TGFBR2: variants seen among roughly 807,000 people sequenced by gnomAD.
TGFBR2 encodes transforming growth factor beta receptor 2.
In TGFBR2, 18 loss-of-function variants were observed where a neutral mutation model predicts 49.0. The ratio of observed to expected loss-of-function variants is 0.37; its 90% confidence interval spans 0.25 to 0.54. The LOEUF (loss-of-function observed/expected upper bound fraction) is 0.54, where lower values mean the gene tolerates loss of function less well. Among genes scored for constraint, TGFBR2 ranks in the 20% least tolerant of loss-of-function variants. TGFBR2 has a pLI of 0.85. For synonymous variants in TGFBR2, 282 were observed against 275.9 expected (o/e 1.02, Z -0.22); for missense variants, 525 against 722.6 (o/e 0.73, Z 3.13).
chr3:30,614,115 C>CT (rs5847643), intron 1 of TGFBR2, among the ~76,000 whole-genome samples: 65,096 of 120,550 alleles, frequency 0.54, 17,568 homozygotes, highest in East Asian at 0.85. Flanking sequence ...TTTTTCTTTC[C>CT]TTTTTTTTTT....
chr3:30,668,631 A>G (rs1699284829), intron 3 of TGFBR2, among the ~76,000 whole-genome samples: 2 of 151,874 alleles, frequency 1.3e-5, no homozygotes, highest in Non-Finnish European at 1.5e-5. Flanking sequence ...GTCCCACCCC[A>G]TTTCTGCCCT....
intron 1 of TGFBR2, among the ~76,000 whole-genome samples, chr3:30,629,858 A>G (rs955641517): frequency 1.3e-5 from 2 of 152,222 alleles, no homozygotes; most frequent in Non-Finnish European, 2.9e-5. Context: ...CAAGAATGGC[A>G]TCTTTGATAA....
chr3:30,607,062 C>T (rs963980376), intron 1 of TGFBR2, 85 bp downstream of exon 1: 5 of 1,182,500 alleles, frequency 4.2e-6, no homozygotes, highest in Non-Finnish European at 6.0e-6. Flanking sequence ...ACAGTCGGGC[C>T]CGGCAACCCG....
intron 3 of TGFBR2, among the ~76,000 whole-genome samples, chr3:30,661,189 G>A (rs909906956): frequency 6.6e-6 from 1 of 152,132 alleles, no homozygotes; most frequent in Non-Finnish European, 1.5e-5. Flanking sequence ...GGCAGGTGTG[G>A]GGATCCTAAC....
At chr3:30,642,384 C>G (rs1464397353) in intron 1 of TGFBR2, among the ~76,000 whole-genome samples, 1 of 152,146 alleles carries the variant, frequency 6.6e-6, no homozygotes, top group African/African-American at 2.4e-5. Flanking sequence ...GGTTCTCAAC[C>G]TTGGTTCCAC....
rs1253843181 is a variant in TGFBR2, at chr3:30,672,296, C to A, written c.1113C>A (p.Pro371=). 1 of 1,606,938 alleles carries A rather than the reference C, an allele frequency of 6.2e-7. No homozygotes were observed. The highest frequency in any genetic ancestry group is 8.5e-7 in the Non-Finnish European group (1 of 1,175,718). The change falls in exon 4 of 7, where the codon CCC becomes CCA. Residue 371 remains proline (P), a synonymous_variant. Transcript: ENST00000295754. The surrounding 1 kb of genome is among the most constrained non-coding windows in gnomAD (Gnocchi z 4.5). ...LHSDHTPCGR[P]KMPIVHRDLK... ...GTGATCACACTCCATGTGGGAGGCC[C>A]AAGATGCCCATCGTGCACAGGGACC...
intron 1 of TGFBR2, among the ~76,000 whole-genome samples, chr3:30,615,159 T>C (rs1365053155): frequency 6.6e-6 from 1 of 152,144 alleles, no homozygotes; most frequent in Non-Finnish European, 1.5e-5. Context: ...AACAGGCACT[T>C]TATTTGAAAG....
chr3:30,623,353 C>A (rs1698271133), intron 1 of TGFBR2: 2 of 1,532,806 alleles, frequency 1.3e-6, no homozygotes, highest in Non-Finnish European at 1.8e-6. Context: ...GTAAGTAAAT[C>A]TAAGATAAAA....
At chr3:30,647,716 G>A (rs368815631) in intron 2 of TGFBR2, among the ~76,000 whole-genome samples, 24 of 151,880 alleles carry the variant, frequency 1.6e-4, no homozygotes, top group African/African-American at 5.5e-4. Context: ...TCCCACTGTT[G>A]CCCAGGCTGG....
At chr3:30,615,032 A>G (rs934419153) in intron 1 of TGFBR2, among the ~76,000 whole-genome samples, 13 of 152,244 alleles carry the variant, frequency 8.5e-5, no homozygotes, top group African/African-American at 3.1e-4. Flanking sequence ...CAGGTAGTCA[A>G]ACATCATGCC....
intron 3 of TGFBR2, among the ~76,000 whole-genome samples, chr3:30,658,387 T>C (rs552095722): frequency 1.3e-5 from 2 of 152,358 alleles, no homozygotes; most frequent in East Asian, 3.9e-4. Context: ...TCTTTCACTG[T>C]GTTTTTTGTT....
chr3:30,667,424 C>A (rs1294872748), intron 3 of TGFBR2, among the ~76,000 whole-genome samples: 1 of 152,154 alleles, frequency 6.6e-6, no homozygotes, highest in Non-Finnish European at 1.5e-5. Flanking sequence ...TCCTTCCAGC[C>A]CTGGTTGCTA....
chr3:30,614,115 C>CTTTTTTTTTTTTTTTTTTTTTTTTTTT (rs5847643), intron 1 of TGFBR2, among the ~76,000 whole-genome samples: 1 of 120,632 alleles, frequency 8.3e-6, no homozygotes, highest in South Asian at 2.6e-4. Context: ...TTTTTCTTTC[C>CTTTTTTTTTTTTTTTTTTTTTTTTTTT]TTTTTTTTTT....
intron 1 of TGFBR2, among the ~76,000 whole-genome samples, chr3:30,607,358 A>C (rs1461287234): frequency 2.0e-5 from 3 of 152,182 alleles, no homozygotes. Context: ...CAGCCAGCGC[A>C]CCTGGGCCAC....
In TGFBR2 at chr3:30,672,468, A is replaced by G. The variant is rs1699361947; in HGVS notation, c.1254+31A>G. On this transcript the variant is annotated intron_variant, in intron 4 of 6. Transcript: ENST00000295754. The surrounding 1 kb of genome is among the most constrained non-coding windows in gnomAD (Gnocchi z 4.5). ...TTAGAGCTAGTGCTAGATCCCCTTT[A>G]CCTTGAGCCTGGCCTCACCCTACCT... 1.2e-5 allele frequency: 20 copies of G among 1,610,778 alleles called. No homozygotes were observed. Among genetic ancestry groups the G allele is most frequent in the Non-Finnish European group, 1.7e-5 (20 of 1,177,146 alleles).
At chr3:30,644,983 C>T (rs1698704777) in intron 2 of TGFBR2, 68 bp downstream of exon 2, 6 of 1,404,588 alleles carry the variant, frequency 4.3e-6, no homozygotes, top group Non-Finnish European at 5.0e-6. Context: ...TCATAGTACA[C>T]ACAGTCAGTG....
intron 1 of TGFBR2, among the ~76,000 whole-genome samples, chr3:30,614,071 G>T (rs867387587): frequency 4.7e-5 from 7 of 149,194 alleles, no homozygotes; most frequent in Non-Finnish European, 8.9e-5. Context: ...TTCTTAGTTT[G>T]CGTTGTCCTG....
At chr3:30,643,591 A>G (rs915245182) in intron 1 of TGFBR2, among the ~76,000 whole-genome samples, 2 of 152,340 alleles carry the variant, frequency 1.3e-5, no homozygotes, top group Non-Finnish European at 2.9e-5. Flanking sequence ...GAAGTTCTGT[A>G]TCCTATCCTA....
In TGFBR2 at chr3:30,617,222, CA is replaced by C. The variant is rs1255400588; in HGVS notation, c.94+10246del. ...GCAGTTTTCAGACTGCTGTTTTAGGCAGGGGAGTAGCTGCCGCAACCTCTAA... is the reference window on the plus strand; with the variant it reads ...GCAGTTTTCAGACTGCTGTTTTAGGCGGGGAGTAGCTGCCGCAACCTCTAA... On this transcript the variant is annotated intron_variant, in intron 1 of 6. Coordinates refer to ENST00000295754, the MANE Select transcript of TGFBR2 (RefSeq NM_003242.6). 2.6e-5 allele frequency among the ~76,000 whole-genome samples: 4 copies of C among 152,234 alleles called. No homozygotes were observed. In the East Asian group the frequency reaches 7.7e-4, roughly 29 times the overall value.
Sources: gnomAD v4.1 joint callset for allele counts (sites outside exome capture counted in the v4.1 genomes callset) on GRCh38, gnomAD v4.1.1 for gene constraint, Gnocchi (gnomAD v3.1) non-coding constraint, MANE v1.5 for transcripts, NCBI Gene and HGNC (gene_info 2026-07-23, HGNC 2026-07-21) for gene names.